Variants in PMFBP1 observed in about 807,000 individuals in gnomAD.
The protein encoded by PMFBP1 is polyamine-modulated factor 1-binding protein 1.
A neutral mutation model predicts 137.8 loss-of-function variants in PMFBP1; 131 were observed. The ratio of observed to expected loss-of-function variants is 0.95; its 90% CI spans 0.82 to 1.10. The LOEUF is 1.10. Among genes scored for constraint, PMFBP1 ranks in the 50% least tolerant of loss-of-function variants. The probability of loss-of-function intolerance (pLI) is 0.00; values close to 1 mark genes in which losing one functional copy is unlikely to be tolerated. For missense variants in PMFBP1, 1,199 were observed against 1,175.4 expected, an observed-to-expected ratio of 1.02 and a Z score of -0.29; for synonymous variants, 490 against 450.4, an observed-to-expected ratio of 1.09 and a Z score of -1.11.
At chr16:72,142,767 G>A (rs945328819) in intron 5 of PMFBP1, among the ~76,000 whole-genome samples, 1 of 152,094 alleles carries the variant, frequency 6.6e-6, no homozygotes, top group Admixed American at 6.6e-5. Flanking sequence ...AAACAGCTGG[G>A]TTTATTTGTA....
intron 5 of PMFBP1, among the ~76,000 whole-genome samples, chr16:72,148,123 A>G (rs565802393): frequency 1.6e-4 from 25 of 152,324 alleles, no homozygotes; most frequent in Middle Eastern, 3.4e-3. Flanking sequence ...AACCAACCCA[A>G]ATGCCCAGCA....
chr16:72,239,033 A>C, the PMFBP1 span, among the ~76,000 whole-genome samples: 1 of 152,316 alleles, frequency 6.6e-6, no homozygotes, highest in African/African-American at 2.4e-5. Flanking sequence ...AAAACAGGAA[A>C]AGGGATTTTG....
upstream of PMFBP1, among the ~76,000 whole-genome samples, chr16:72,179,650 GT>G (rs1471779841): frequency 6.6e-6 from 1 of 152,174 alleles, no homozygotes. Context: ...CAAAAGAGAT[GT>G]TTTGGATCCA....
At chr16:72,173,479 G>A (rs976139470), upstream of PMFBP1, among the ~76,000 whole-genome samples, 2 of 152,190 alleles carry the variant, frequency 1.3e-5, no homozygotes, top group South Asian at 2.1e-4. Flanking sequence ...CATTTCGAAG[G>A]AAAAGTAGAA....
At chr16:72,160,750 ACC>A (rs2043049580) in intron 3 of PMFBP1, among the ~76,000 whole-genome samples, 1 of 152,176 alleles carries the variant, frequency 6.6e-6, no homozygotes. Context: ...CCATAGCAGA[ACC>A]CAGAGAATAC....
At chr16:72,200,483 T>C in the PMFBP1 span, among the ~76,000 whole-genome samples, 2 of 152,196 alleles carry the variant, frequency 1.3e-5, no homozygotes, top group Non-Finnish European at 2.9e-5. Context: ...GTAGACAGTG[T>C]GGCCTTCTGG....
At chr16:72,249,164 T>C in the PMFBP1 span, among the ~76,000 whole-genome samples, 1 of 152,196 alleles carries the variant, frequency 6.6e-6, no homozygotes, top group Admixed American at 6.5e-5. Flanking sequence ...GTGGTTTACC[T>C]CTCTTAAAGT....
chr16:72,222,908 C>G, the PMFBP1 span, among the ~76,000 whole-genome samples: 18 of 152,120 alleles, frequency 1.2e-4, no homozygotes, highest in Non-Finnish European at 2.4e-4. Flanking sequence ...GGAATTCAAT[C>G]AGAATTCCAT....
chr16:72,183,998 G>A, the PMFBP1 span, among the ~76,000 whole-genome samples: 8 of 152,116 alleles, frequency 5.3e-5, no homozygotes, highest in African/African-American at 1.9e-4. Flanking sequence ...CTTGACATCA[G>A]TGGCTACCTC....
chr16:72,146,400 A>C (rs2042806470), intron 5 of PMFBP1, among the ~76,000 whole-genome samples: 1 of 152,216 alleles, frequency 6.6e-6, no homozygotes, highest in Non-Finnish European at 1.5e-5. Context: ...TATTTATGAC[A>C]AACCCATAGC....
intron 3 of PMFBP1, 134 bp downstream of exon 3, chr16:72,164,630 T>C: frequency 7.7e-7 from 1 of 1,297,690 alleles, no homozygotes; most frequent in South Asian, 1.4e-5. Context: ...TTTAATTCTC[T>C]TAATTCTCTC....
chr16:72,197,327 G>A, the PMFBP1 span, among the ~76,000 whole-genome samples: 1 of 152,198 alleles, frequency 6.6e-6, no homozygotes, highest in Non-Finnish European at 1.5e-5. Context: ...AAAAGCATGA[G>A]AAGCCAGGAG....
rs527676279 is a variant in PMFBP1 at position 72,125,908 on chromosome 16, C to T, written c.2253+60G>A. The T allele has an allele frequency of 3.0e-5, 48 of 1,574,832 alleles. No individual in the cohort carries two copies. In the East Asian group the frequency reaches 4.0e-4, roughly 13 times the overall value. On this transcript the variant is annotated intron_variant, in intron 15 of 20. Transcript: ENST00000237353. ...AGGAAATTGGCTCCTGTGCTTCTCCCGCTACCTTGACGTTTCCTTGCCTGA... is the reference window on the plus strand; with the variant it reads ...AGGAAATTGGCTCCTGTGCTTCTCCTGCTACCTTGACGTTTCCTTGCCTGA...
the PMFBP1 span, among the ~76,000 whole-genome samples, chr16:72,245,488 A>C: frequency 2.6e-5 from 4 of 152,286 alleles, 1 homozygote. Flanking sequence ...TGAATTCCCC[A>C]TGGTTTGCAC....
chr16:72,159,001 T>A (rs746702027), intron 3 of PMFBP1, among the ~76,000 whole-genome samples: 7 of 152,100 alleles, frequency 4.6e-5, no homozygotes, highest in Non-Finnish European at 1.0e-4. Context: ...TCTCAGAAAA[T>A]ATCCTTATCA....
downstream of PMFBP1, among the ~76,000 whole-genome samples, chr16:72,117,841 C>A (rs1308508348): frequency 6.6e-6 from 1 of 152,228 alleles, no homozygotes; most frequent in East Asian, 1.9e-4. Flanking sequence ...TTTCCCTGCC[C>A]TTCCTCCTGT....
intron 5 of PMFBP1, among the ~76,000 whole-genome samples, chr16:72,142,658 A>C (rs1405362485): frequency 6.6e-6 from 1 of 152,248 alleles, no homozygotes; most frequent in Non-Finnish European, 1.5e-5. Flanking sequence ...TGTGCCACCC[A>C]CAATTGTTTC....
At chr16:72,125,448 T>C (rs764255720) in intron 15 of PMFBP1, 43 bp from the exon 16 acceptor site, 1 of 1,592,228 alleles carries the variant, frequency 6.3e-7, no homozygotes, top group Admixed American at 1.8e-5. Flanking sequence ...TCAGAGACTT[T>C]GACCCTCTCT....
At chr16:72,150,337 T>TG (rs1390931467) in intron 5 of PMFBP1, among the ~76,000 whole-genome samples, 2 of 152,124 alleles carry the variant, frequency 1.3e-5, no homozygotes, top group Admixed American at 1.3e-4. Flanking sequence ...CAGGGAACTG[T>TG]GGGGCTGAAG....
Sources: gnomAD v4.1 joint callset for allele counts (sites outside exome capture counted in the v4.1 genomes callset) on GRCh38, gnomAD v4.1.1 for gene constraint, MANE v1.5 for transcripts, NCBI Gene and HGNC (gene_info 2026-07-23, HGNC 2026-07-21) for gene names.